The following MTMR3 variants were observed in gnomAD, a reference collection of about 807,000 sequenced individuals.
The protein encoded by MTMR3 is myotubularin related protein 3, also known as phosphatidylinositol-3,5-bisphosphate 3-phosphatase MTMR3.
In MTMR3, 32 loss-of-function variants were observed where a neutral mutation model predicts 132.4. The ratio of observed to expected loss-of-function variants is 0.24; its 90% CI spans 0.18 to 0.32. MTMR3 has a LOEUF of 0.32. Ranked by LOEUF, MTMR3 falls within the 10% of genes least tolerant of loss-of-function variation. The pLI, the probability that MTMR3 is intolerant of heterozygous loss-of-function variation, is 1.00. For synonymous variants in MTMR3, 556 were observed against 550.3 expected, an observed-to-expected ratio of 1.01 and a Z score of -0.14; for missense variants, 1,216 against 1,489.6, an observed-to-expected ratio of 0.82 and a Z score of 3.02.
Position 30,030,170 on chromosome 22 carries a change from A to T in MTMR3, c.*4369A>T, listed in dbSNP as rs2067986364. The stretch of plus-strand genomic sequence containing the variant: ...CTGAAATGGGAGTTACCAGGTTTTT[A>T]AATGCTGCTATTGTTTTATTTACCA... On this transcript the variant is annotated 3_prime_UTR_variant, in exon 20 of 20. Coordinates refer to ENST00000401950, the MANE Select transcript of MTMR3 (RefSeq NM_021090.4). 1 of 152,246 alleles carries T rather than the reference A, an allele frequency of 6.6e-6. No individual in the cohort carries two copies. Among genetic ancestry groups the T allele is most frequent in the African/African-American group, 2.4e-5 (1 of 41,430 alleles). 9.4% of individuals were successfully genotyped at this position (152,246 alleles called of 1,614,324 possible).
rs181384293 is a variant in MTMR3, at chr22:29,900,324, T to A, written c.-138+16965T>A. On this transcript the variant is annotated intron_variant, in intron 1 of 19. Transcript: ENST00000401950. ...TAGACTTCACTTTTTTTTGTATAAG[T>A]GGTATAATACTTAACGTTTCTTTTG... 4.5e-3 allele frequency among the ~76,000 whole-genome samples: 682 copies of A among 152,306 alleles called. 6 individuals carry two copies. Among genetic ancestry groups the A allele is most frequent in the African/African-American group, 0.015 (644 of 41,570 alleles).
chr22:29,894,536 GTT>G (rs1491075107), intron 1 of MTMR3, among the ~76,000 whole-genome samples: 2 of 141,926 alleles, frequency 1.4e-5, no homozygotes, highest in East Asian at 2.1e-4. Context: ...GTGTGTGTGT[GTT>G]GTGGTATGTT....
intron 1 of MTMR3, among the ~76,000 whole-genome samples, chr22:29,924,744 A>G (rs2065482599): frequency 6.6e-6 from 1 of 152,000 alleles, no homozygotes; most frequent in South Asian, 2.1e-4. Context: ...TTTAGTAGTG[A>G]TTTGTAGTTT....
In MTMR3 at chr22:30,008,143, C is replaced by T. The variant is rs140245242; in HGVS notation, c.1009+111C>T. The stretch of plus-strand genomic sequence containing the variant: ...TAAGTGGCAAGCCATATTCCTCATC[C>T]ATCCTGTCGTGAGAGTGCCAGAGCT... On this transcript the variant is annotated intron_variant, in intron 11 of 19. Transcript: ENST00000401950. 1,252 of 1,405,290 alleles carry T rather than the reference C, an allele frequency of 8.9e-4. 9 individuals carry two copies. The African/African-American group carries it at 0.015, about 16-fold the overall frequency. 87.1% of individuals were successfully genotyped at this position (1,405,290 alleles called of 1,614,324 possible). A position where few individuals can be genotyped will look rare whatever the true frequency, so the allele number is the denominator to read the frequency against.
rs575651143 is a variant in MTMR3 at position 29,891,807 on chromosome 22, G to T, written c.-138+8448G>T. The stretch of plus-strand genomic sequence containing the variant: ...AGCATTTATAGATGCTTGTTTTTGG[G>T]CATTTCACTAGTTTTGCTGGTCCAG... On this transcript the variant is annotated intron_variant, in intron 1 of 19. Coordinates refer to ENST00000401950, the MANE Select transcript of MTMR3 (RefSeq NM_021090.4). Among the ~76,000 whole-genome samples, 4 of 152,030 alleles carry T rather than the reference G, an allele frequency of 2.6e-5. No homozygotes were observed. In the South Asian group the frequency reaches 6.2e-4, roughly 24 times the overall value.
chr22:29,927,735 G>C (rs1416066435), intron 1 of MTMR3, among the ~76,000 whole-genome samples: 3 of 150,558 alleles, frequency 2.0e-5, no homozygotes, highest in Non-Finnish European at 3.0e-5. Context: ...AACATTCCTT[G>C]GATGGAGACT....
intron 1 of MTMR3, among the ~76,000 whole-genome samples, chr22:29,915,814 A>G (rs757577957): frequency 1.3e-5 from 2 of 151,960 alleles, no homozygotes; most frequent in Admixed American, 6.5e-5. Flanking sequence ...CCATTTTGCC[A>G]TTTGTTTTCT....
intron 14 of MTMR3, chr22:30,016,307 G>T (rs1049186143): frequency 4.0e-6 from 2 of 498,478 alleles, no homozygotes; most frequent in Non-Finnish European, 7.2e-6. Context: ...CGGAAGCTAA[G>T]AGGAATAGGG....
intron 1 of MTMR3, among the ~76,000 whole-genome samples, chr22:29,885,526 T>G (rs1280173584): frequency 1.3e-5 from 2 of 152,138 alleles, no homozygotes; most frequent in African/African-American, 4.8e-5. Context: ...TATCCAGAGA[T>G]ATATTGAAGG....
At chr22:30,020,917 C>A in intron 17 of MTMR3, 33 bp downstream of exon 17, 1 of 1,532,690 alleles carries the variant, frequency 6.5e-7, no homozygotes, top group Non-Finnish European at 8.8e-7. Context: ...CCATAGCTGC[C>A]CAAGGAGACG....
At chr22:29,883,747 C>T (rs1455725525) in intron 1 of MTMR3, among the ~76,000 whole-genome samples, 1 of 152,188 alleles carries the variant, frequency 6.6e-6, no homozygotes, top group Non-Finnish European at 1.5e-5. Context: ...GTGCGCCCTT[C>T]GCCCCCTGCC....
At chr22:30,009,373 A>T in intron 12 of MTMR3, 2 of 449,504 alleles carry the variant, frequency 4.4e-6, no homozygotes, top group Non-Finnish European at 8.0e-6. Flanking sequence ...TAAAATCTGC[A>T]GCACAGAAGA....
chr22:29,936,927 G>A (rs1011239742), intron 1 of MTMR3, among the ~76,000 whole-genome samples: 5 of 152,084 alleles, frequency 3.3e-5, no homozygotes, highest in Admixed American at 6.5e-5. Context: ...AGGTTTTTTC[G>A]TATTACTGAC....
chr22:29,948,667 T>G (rs2065996720), intron 1 of MTMR3, among the ~76,000 whole-genome samples: 1 of 152,074 alleles, frequency 6.6e-6, no homozygotes, highest in South Asian at 2.1e-4. Flanking sequence ...ATAAAAAGGA[T>G]GGAGTTTAGA....
intron 1 of MTMR3, among the ~76,000 whole-genome samples, chr22:29,931,308 A>G (rs1763977804): frequency 6.6e-6 from 1 of 152,236 alleles, no homozygotes; most frequent in South Asian, 2.1e-4. Context: ...ACTGTTAATC[A>G]TTATATACAA....
chr22:29,936,644 G>A (rs997338409), intron 1 of MTMR3, among the ~76,000 whole-genome samples: 2 of 152,184 alleles, frequency 1.3e-5, no homozygotes, highest in Non-Finnish European at 2.9e-5. Context: ...ACTTTAGAAT[G>A]AATGGGTTTC....
intron 9 of MTMR3, chr22:30,005,920 AT>A (rs1343872903): frequency 2.0e-5 from 3 of 152,212 alleles, no homozygotes; most frequent in Admixed American, 6.5e-5. Context: ...CCAACTTAGA[AT>A]TAGGCAAGCT....
chr22:29,930,164 T>G (rs1281131464), intron 1 of MTMR3, among the ~76,000 whole-genome samples: 1 of 152,238 alleles, frequency 6.6e-6, no homozygotes, highest in African/African-American at 2.4e-5. Flanking sequence ...TACAACAAAA[T>G]TCACTTCGTA....
intron 1 of MTMR3, among the ~76,000 whole-genome samples, chr22:29,913,774 C>G (rs752639207): frequency 6.6e-6 from 1 of 150,862 alleles, no homozygotes; most frequent in Non-Finnish European, 1.5e-5. Context: ...TTATTTGAGA[C>G]GGAGTCTCGC....
Sources: allele counts gnomAD v4.1 joint callset (sites outside exome capture counted in the v4.1 genomes callset), GRCh38; gene constraint gnomAD v4.1.1; transcripts MANE v1.5; gene names NCBI Gene and HGNC (gene_info 2026-07-23, HGNC 2026-07-21).